PDE3B: variants seen among roughly 807,000 people sequenced by gnomAD.
PDE3B encodes phosphodiesterase 3B, also known as cGMP-inhibited 3',5'-cyclic phosphodiesterase 3B.
In PDE3B, 66 loss-of-function variants were observed where a neutral mutation model predicts 116.8. The observed-to-expected ratio is 0.56, with a 90% CI of 0.46 to 0.69. PDE3B has a LOEUF of 0.69. PDE3B is among the 30% of genes least tolerant of loss of function. PDE3B has a pLI of 0.00. For missense variants in PDE3B, 1,384 were observed against 1,368.1 expected (o/e 1.01, Z -0.18); for synonymous variants, 595 against 533.6 (o/e 1.12, Z -1.59).
intron 13 of PDE3B, among the ~76,000 whole-genome samples, chr11:14,859,591 G>A (rs1555006755): frequency 6.6e-6 from 1 of 152,150 alleles, no homozygotes; most frequent in East Asian, 1.9e-4. Context: ...CATGCTCAGT[G>A]TCAAGTAAGG....
chr11:14,657,110 T>C (rs1483978025), intron 1 of PDE3B, among the ~76,000 whole-genome samples: 1 of 152,210 alleles, frequency 6.6e-6, no homozygotes, highest in Non-Finnish European at 1.5e-5. Flanking sequence ...AAGAAAAATG[T>C]GTCAGCTGCT....
At chr11:14,880,105 T>C in the PDE3B span, 207 of 1,610,842 alleles carry the variant, frequency 1.3e-4, 2 homozygotes, top group South Asian at 1.1e-3. Flanking sequence ...CATGTAAGGA[T>C]AGACCCTGAG....
chr11:14,807,995 G>A (rs1368322357), intron 5 of PDE3B, among the ~76,000 whole-genome samples: 1 of 151,440 alleles, frequency 6.6e-6, no homozygotes, highest in Non-Finnish European at 1.5e-5. Flanking sequence ...GGGAGACAGA[G>A]ATTGCGGTGA....
intron 15 of PDE3B, 30 bp downstream of exon 15, chr11:14,867,788 T>G (rs1555008349): frequency 6.3e-7 from 1 of 1,575,018 alleles, no homozygotes; most frequent in African/African-American, 1.4e-5. Flanking sequence ...ATAATTTATT[T>G]AATGTTATAG....
At chr11:14,877,978 C>A in the PDE3B span, 1 of 794,680 alleles carries the variant, frequency 1.3e-6, no homozygotes, top group Non-Finnish European at 2.0e-6. Flanking sequence ...TGTTTCTGCT[C>A]TAGTACTATT....
At chr11:14,811,999 G>C (rs1490844830) in intron 5 of PDE3B, among the ~76,000 whole-genome samples, 1 of 152,108 alleles carries the variant, frequency 6.6e-6, no homozygotes, top group Non-Finnish European at 1.5e-5. Flanking sequence ...TTTGTATCCT[G>C]AGACTTTGCT....
intron 1 of PDE3B, among the ~76,000 whole-genome samples, chr11:14,688,789 GT>G (rs1854964862): frequency 6.6e-6 from 1 of 151,962 alleles, no homozygotes; most frequent in African/African-American, 2.4e-5. Flanking sequence ...TTGTTTGTTT[GT>G]TTTGAGACAG....
At chr11:14,785,703 A>G (rs1345171958) in intron 2 of PDE3B, among the ~76,000 whole-genome samples, 1 of 152,078 alleles carries the variant, frequency 6.6e-6, no homozygotes, top group Non-Finnish European at 1.5e-5. Context: ...TATTTCTTCT[A>G]AATTAAAAAA....
At chr11:14,824,638 G>A (rs1597689) in intron 7 of PDE3B, among the ~76,000 whole-genome samples, 93,380 of 151,874 alleles carry the variant, frequency 0.61, 28,762 homozygotes, top group Middle Eastern at 0.7. Flanking sequence ...ATATGGGATT[G>A]TGTAAAGAGG....
At chr11:14,721,099 C>CA (rs1447051403) in intron 1 of PDE3B, among the ~76,000 whole-genome samples, 4 of 147,690 alleles carry the variant, frequency 2.7e-5, no homozygotes, top group African/African-American at 1.0e-4. Context: ...ACAACCCCAT[C>CA]AAAAAGTGGG....
chr11:14,842,481 C>T (rs1396972455), intron 11 of PDE3B, among the ~76,000 whole-genome samples: 1 of 151,860 alleles, frequency 6.6e-6, no homozygotes, highest in African/African-American at 2.4e-5. Context: ...ATTATTGACT[C>T]TGTATTGATA....
chr11:14,690,512 A>AT (rs1319602014), intron 1 of PDE3B, among the ~76,000 whole-genome samples: 4 of 149,484 alleles, frequency 2.7e-5, no homozygotes, highest in African/African-American at 7.4e-5. Context: ...CATTATTGTT[A>AT]TTTTTTCTGG....
At chr11:14,735,958 T>TTTG in intron 1 of PDE3B, among the ~76,000 whole-genome samples, 1 of 143,026 alleles carries the variant, frequency 7.0e-6, no homozygotes, top group South Asian at 2.3e-4. Flanking sequence ...GAATAATAGG[T>TTTG]TGTGTGTGTG....
intron 1 of PDE3B, among the ~76,000 whole-genome samples, chr11:14,666,906 C>T (rs1229677574): frequency 6.6e-6 from 1 of 152,084 alleles, no homozygotes; most frequent in Non-Finnish European, 1.5e-5. Flanking sequence ...ACTAGAAATA[C>T]CATTTGACCC....
In PDE3B at chr11:14,832,547, T is replaced by A. The variant is rs545448330; in HGVS notation, c.2095-175T>A. Among the ~76,000 whole-genome samples, 4 of 152,304 alleles carry A rather than the reference T, an allele frequency of 2.6e-5. No homozygotes were observed. The South Asian group carries it at 8.3e-4, about 32-fold the overall frequency. On this transcript the variant is annotated intron_variant, in intron 9 of 15. Transcript: ENST00000282096. ...AATTTTCAGTGGCTTTAGGGTGACATCTTCCATTCTGATTTTTTTGAAAGA... is the reference window on the plus strand; with the variant it reads ...AATTTTCAGTGGCTTTAGGGTGACAACTTCCATTCTGATTTTTTTGAAAGA...
At chr11:14,866,665 A>G (rs1848053535) in intron 14 of PDE3B, among the ~76,000 whole-genome samples, 1 of 152,212 alleles carries the variant, frequency 6.6e-6, no homozygotes, top group African/African-American at 2.4e-5. Context: ...ATTACAGAAC[A>G]GACACTCCTT....
intron 1 of PDE3B, among the ~76,000 whole-genome samples, chr11:14,662,689 A>G (rs1054045370): frequency 5.3e-5 from 8 of 152,266 alleles, no homozygotes; most frequent in Non-Finnish European, 8.8e-5. Flanking sequence ...GATGCGATCA[A>G]CTGGAAGAAA....
intron 1 of PDE3B, among the ~76,000 whole-genome samples, chr11:14,704,973 CTT>C (rs949514258): frequency 6.6e-6 from 1 of 151,480 alleles, no homozygotes; most frequent in Non-Finnish European, 1.5e-5. Context: ...TGAGAAACGA[CTT>C]ATATATTGGA....
At chr11:14,672,284 C>A (rs188221353) in intron 1 of PDE3B, among the ~76,000 whole-genome samples, 3 of 151,732 alleles carry the variant, frequency 2.0e-5, no homozygotes, top group African/African-American at 7.3e-5. Context: ...TATCTGAACA[C>A]AGGGCTTTTT....
Sources: allele counts gnomAD v4.1 joint callset (sites outside exome capture counted in the v4.1 genomes callset), GRCh38; gene constraint gnomAD v4.1.1; transcripts MANE v1.5; gene names NCBI Gene and HGNC (gene_info 2026-07-23, HGNC 2026-07-21).